PIKFYVE: variants seen among roughly 807,000 people sequenced by gnomAD.
PIKFYVE encodes 1-phosphatidylinositol 3-phosphate 5-kinase.
A neutral mutation model predicts 257.9 loss-of-function variants in PIKFYVE; 122 were observed. That is an observed-to-expected ratio of 0.47 (90% CI 0.41 to 0.55). PIKFYVE has a LOEUF of 0.55. Ranked by LOEUF, PIKFYVE falls within the 20% of genes least tolerant of loss-of-function variation. PIKFYVE has a pLI of 0.00. For missense variants in PIKFYVE, 2,160 were observed against 2,536.6 expected (o/e 0.85, Z 3.19); for synonymous variants, 892 against 868.9 (o/e 1.03, Z -0.47).
intron 13 of PIKFYVE, among the ~76,000 whole-genome samples, chr2:208,313,020 A>G (rs1307002924): frequency 6.6e-6 from 1 of 152,228 alleles, no homozygotes; most frequent in Non-Finnish European, 1.5e-5. Flanking sequence ...CTAGAAGTTT[A>G]CAGAGTGGCC....
chr2:208,268,309 T>C (rs1352112455), intron 1 of PIKFYVE, among the ~76,000 whole-genome samples: 1 of 152,008 alleles, frequency 6.6e-6, no homozygotes, highest in Non-Finnish European at 1.5e-5. Flanking sequence ...ATTCTAAGAC[T>C]CTTTAGGCAG....
intron 28 of PIKFYVE, 99 bp from the exon 29 acceptor site, chr2:208,338,409 G>A: frequency 1.0e-6 from 1 of 1,003,332 alleles, no homozygotes; most frequent in Non-Finnish European, 1.5e-6. Context: ...GGTATAAATG[G>A]GTCCTGAGAC....
chr2:208,347,183 C>T (rs916492269), intron 34 of PIKFYVE, among the ~76,000 whole-genome samples: 4 of 152,134 alleles, frequency 2.6e-5, no homozygotes, highest in African/African-American at 7.2e-5. Context: ...GTCTGTTACC[C>T]AAGTAAGCAC....
chr2:208,352,814 C>G (rs1043818120), intron 39 of PIKFYVE, 32 bp downstream of exon 39: 1 of 1,606,990 alleles, frequency 6.2e-7, no homozygotes, highest in Non-Finnish European at 8.5e-7. Context: ...AAGCATTTAG[C>G]TACTGGAACC....
chr2:208,319,290 C>G (rs1435754155), intron 16 of PIKFYVE, among the ~76,000 whole-genome samples: 1 of 152,180 alleles, frequency 6.6e-6, no homozygotes, highest in Non-Finnish European at 1.5e-5. Flanking sequence ...TAAAAATATA[C>G]TTGGCTTGAG....
intron 21 of PIKFYVE, 103 bp downstream of exon 21, chr2:208,328,383 A>C: frequency 7.6e-7 from 1 of 1,317,492 alleles, no homozygotes; most frequent in Non-Finnish European, 1.1e-6. Context: ...GTATTTAGGT[A>C]CACAGCACAC....
chr2:208,321,265 G>A (rs1459881964), intron 17 of PIKFYVE, among the ~76,000 whole-genome samples: 1 of 152,094 alleles, frequency 6.6e-6, no homozygotes, highest in Non-Finnish European at 1.5e-5. Flanking sequence ...CTTATGCTGG[G>A]TTCCAGAAAC....
At chr2:208,289,707 G>C (rs1399261397) in intron 7 of PIKFYVE, among the ~76,000 whole-genome samples, 1 of 152,082 alleles carries the variant, frequency 6.6e-6, no homozygotes, top group East Asian at 1.9e-4. Flanking sequence ...TGGGATTACA[G>C]GCATGAGCCA....
chr2:208,301,288 G>A (rs897924424), intron 9 of PIKFYVE, among the ~76,000 whole-genome samples, 194 bp downstream of exon 9: 1 of 152,168 alleles, frequency 6.6e-6, no homozygotes, highest in African/African-American at 2.4e-5. Context: ...GATGCAAGGA[G>A]TACAAGGAGC....
intron 22 of PIKFYVE, among the ~76,000 whole-genome samples, chr2:208,330,116 C>T (rs888239176): frequency 2.0e-5 from 3 of 152,136 alleles, no homozygotes; most frequent in Non-Finnish European, 4.4e-5. Flanking sequence ...TCCCTCATAT[C>T]TCTGCCCATC....
chr2:208,312,379 A>G (rs938166284), intron 13 of PIKFYVE, 84 bp downstream of exon 13: 20 of 1,038,006 alleles, frequency 1.9e-5, no homozygotes, highest in Non-Finnish European at 2.6e-5. Context: ...TGATTAGCAC[A>G]GAGAAGGTGC....
At chr2:208,331,404 G>C (rs1018559681) in intron 23 of PIKFYVE, among the ~76,000 whole-genome samples, 1 of 152,060 alleles carries the variant, frequency 6.6e-6, no homozygotes, top group East Asian at 1.9e-4. Context: ...TTGAGACAGA[G>C]TCTTGCTCTA....
At chr2:208,304,816 A>G (rs764980671) in intron 11 of PIKFYVE, 30 bp from the exon 12 acceptor site, 18 of 1,600,244 alleles carry the variant, frequency 1.1e-5, no homozygotes, top group East Asian at 4.5e-5. Context: ...TCCTCTCCCT[A>G]TATTTCTTTC....
intron 3 of PIKFYVE, among the ~76,000 whole-genome samples, chr2:208,275,518 A>G (rs1689989783): frequency 6.6e-6 from 1 of 152,248 alleles, no homozygotes; most frequent in African/African-American, 2.4e-5. Flanking sequence ...TTATTCTAAT[A>G]CAGTAGCAAC....
intron 24 of PIKFYVE, chr2:208,334,318 T>TC (rs1176458750): frequency 6.6e-6 from 1 of 152,410 alleles, no homozygotes; most frequent in African/African-American, 2.4e-5. Flanking sequence ...CTAAGGCCAC[T>TC]CCTCTGCTCT....
chr2:208,343,607 G>A (rs993321334), intron 32 of PIKFYVE, among the ~76,000 whole-genome samples: 3 of 152,156 alleles, frequency 2.0e-5, no homozygotes, highest in African/African-American at 7.2e-5. Flanking sequence ...ATGTGAATGT[G>A]CTGTCTCTCT....
Position 208,356,804 on chromosome 2 carries a change from T to G in PIKFYVE, c.*1499T>G, listed in dbSNP as rs41295956. On this transcript the variant is annotated 3_prime_UTR_variant, in exon 42 of 42. Coordinates refer to ENST00000264380, the MANE Select transcript of PIKFYVE (RefSeq NM_015040.4). ...AGAATATTTCCTCTTGACTTCTTTT[T>G]GTAACAAGGATAATTTAGGGATTTA... 862 of 152,812 alleles carry G rather than the reference T, an allele frequency of 5.6e-3. 4 individuals are homozygous for G. The highest frequency in any genetic ancestry group is 0.017 in the South Asian group (82 of 4,828). 9.5% of individuals were successfully genotyped at this position (152,812 alleles called of 1,614,324 possible). A position where few individuals can be genotyped will look rare whatever the true frequency, so the allele number is the denominator to read the frequency against.
At chr2:208,349,829 A>G (rs1163559462) in intron 35 of PIKFYVE, among the ~76,000 whole-genome samples, 195 bp from the exon 36 acceptor site, 1 of 152,154 alleles carries the variant, frequency 6.6e-6, no homozygotes, top group African/African-American at 2.4e-5. Flanking sequence ...TGAAATTCCA[A>G]AAAACATACA....
intron 31 of PIKFYVE, 45 bp downstream of exon 31, chr2:208,340,176 T>C (rs1698563062): frequency 6.2e-7 from 1 of 1,603,886 alleles, no homozygotes; most frequent in Non-Finnish European, 8.5e-7. Context: ...GGGGTTATTT[T>C]TCCTTAGTTG....
Sources: allele counts gnomAD v4.1 joint callset (sites outside exome capture counted in the v4.1 genomes callset), GRCh38; gene constraint gnomAD v4.1.1; transcripts MANE v1.5; gene names NCBI Gene and HGNC (gene_info 2026-07-23, HGNC 2026-07-21).